PACSIN2: variants seen among roughly 807,000 people sequenced by gnomAD.
PACSIN2 encodes protein kinase C and casein kinase substrate in neurons protein 2.
PACSIN2 carries 25 observed loss-of-function variants against 63.8 expected under a neutral mutation model. The ratio of observed to expected loss-of-function variants is 0.39; its 90% CI spans 0.29 to 0.55. PACSIN2 has a LOEUF of 0.55. Among genes scored for constraint, PACSIN2 ranks in the 20% least tolerant of loss-of-function variants. The pLI is 0.62. For missense variants in PACSIN2, 518 were observed against 646.9 expected (o/e 0.80, Z 2.16); for synonymous variants, 255 against 256.2 (o/e 1.00, Z 0.05).
At position 42,879,087 on chromosome 22, in the gene PACSIN2, T is replaced by G. The variant is rs369699773; in HGVS notation, c.989A>C (p.Asn330Thr). 18 of 1,614,006 alleles carry G rather than the reference T, an allele frequency of 1.1e-5. No individual in the cohort carries two copies. In the African/African-American group the frequency reaches 2.1e-4, roughly 19 times the overall value. Reference sequence around the variant, plus strand: ...CGGCAGAGACTGGTCGCCTGTCTGGTTGATGCCCGTCAGGGTGACGCCGTC... The same window carrying G: ...CGGCAGAGACTGGTCGCCTGTCTGGGTGATGCCCGTCAGGGTGACGCCGTC... The part of the protein sequence containing the change: ...ATDGVTLTGI[N>T]QTGDQSLPSK... The change falls in exon 8 of 11, where the codon AAC (asparagine) becomes ACC (threonine). Residue 330 changes from asparagine (N) to threonine (T), a missense_variant. By Grantham distance (65) the Asn-to-Thr change is moderately conservative. Coordinates refer to ENST00000263246, the MANE Select transcript of PACSIN2 (RefSeq NM_001184970.3).
intron 4 of PACSIN2, 77 bp downstream of exon 4, chr22:42,890,870 A>G (rs5759012): frequency 0.46 from 534,897 of 1,161,304 alleles, 127,712 homozygotes; most frequent in Non-Finnish European, 0.49. Context: ...AGGAAGTCCT[A>G]GGTGCAGGAG....
Position 42,891,116 on chromosome 22 carries a change from T to C in PACSIN2, c.284A>G (p.Glu95Gly). The C allele has an allele frequency of 6.2e-7, 1 of 1,614,106 alleles. No homozygotes were observed. The highest frequency in any genetic ancestry group is 8.5e-7 in the Non-Finnish European group (1 of 1,180,004). Residue 95 changes from glutamate to glycine, a missense_variant, in exon 4 of 11, where the codon GAG becomes GGG. Around this residue, in one of 2 missense-constraint regions of PACSIN2, gnomAD observed 507 missense variants for 612.3 expected, o/e 0.83. Transcript: ENST00000263246. The part of the protein sequence containing the change: ...AFMSEAERVS[E>G]LHLEVKASLM... ...TGAGGCCTTCACCTCGAGGTGCAGC[T>C]CGCTCACCCTCTCTGCCTCGGACAT...
chr22:42,894,601 G>A (rs1602199309), intron 2 of PACSIN2, among the ~76,000 whole-genome samples: 1 of 152,224 alleles, frequency 6.6e-6, no homozygotes, highest in African/African-American at 2.4e-5. Context: ...CTTTGTCAGG[G>A]CTAAGCTGAG....
chr22:42,885,776 C>G (rs1430508383), intron 5 of PACSIN2, among the ~76,000 whole-genome samples: 1 of 152,154 alleles, frequency 6.6e-6, no homozygotes, highest in Non-Finnish European at 1.5e-5. Flanking sequence ...TATCCGGGTC[C>G]TTGCTCTGCT....
At chr22:42,973,390 T>C (rs953813810) in intron 1 of PACSIN2, among the ~76,000 whole-genome samples, 4 of 151,376 alleles carry the variant, frequency 2.6e-5, no homozygotes, top group African/African-American at 9.7e-5. Flanking sequence ...ACTTCCCCAG[T>C]GCTCTGAATT....
chr22:42,956,182 T>C (rs1933909415), intron 1 of PACSIN2, among the ~76,000 whole-genome samples: 1 of 152,226 alleles, frequency 6.6e-6, no homozygotes, highest in Non-Finnish European at 1.5e-5. Flanking sequence ...ATAATCTAAA[T>C]GCCATACTAT....
intron 1 of PACSIN2, among the ~76,000 whole-genome samples, chr22:42,919,584 C>T (rs538685765): frequency 1.3e-5 from 2 of 151,862 alleles, no homozygotes; most frequent in South Asian, 4.2e-4. Context: ...ACCAGCCTGG[C>T]CAACATGGTG....
chr22:42,924,715 C>A (rs958221631), intron 1 of PACSIN2, among the ~76,000 whole-genome samples: 1 of 152,130 alleles, frequency 6.6e-6, no homozygotes, highest in Non-Finnish European at 1.5e-5. Context: ...CTCCCTCCTG[C>A]CCCACAGGCC....
At chr22:42,990,241 G>A (rs1331963555) in intron 1 of PACSIN2, among the ~76,000 whole-genome samples, 5 of 151,916 alleles carry the variant, frequency 3.3e-5, no homozygotes, top group Admixed American at 2.0e-4. Context: ...AATCACAGAC[G>A]GCCACAAACC....
At chr22:42,971,644 G>A (rs964536520) in intron 1 of PACSIN2, among the ~76,000 whole-genome samples, 4 of 151,830 alleles carry the variant, frequency 2.6e-5, no homozygotes, top group Admixed American at 1.3e-4. Flanking sequence ...AGTGAGGAGC[G>A]TCTCTGCCCG....
intron 2 of PACSIN2, among the ~76,000 whole-genome samples, chr22:42,896,555 T>G (rs1043788419): frequency 1.3e-5 from 2 of 152,258 alleles, no homozygotes; most frequent in African/African-American, 4.8e-5. Context: ...TGGGTCATTT[T>G]CAGTTTGGGG....
At chr22:42,894,905 C>T (rs765344549) in intron 2 of PACSIN2, among the ~76,000 whole-genome samples, 9 of 149,438 alleles carry the variant, frequency 6.0e-5, no homozygotes, top group Non-Finnish European at 1.2e-4. Flanking sequence ...TTGCCTGGCC[C>T]TGCACAGAGA....
intron 1 of PACSIN2, among the ~76,000 whole-genome samples, chr22:42,973,606 C>A (rs1921480239): frequency 6.6e-6 from 1 of 152,264 alleles, no homozygotes; most frequent in African/African-American, 2.4e-5. Flanking sequence ...CTCCAGCCAA[C>A]ATGCCTGCCT....
rs1241685787 is a variant in PACSIN2 at position 42,888,806 on chromosome 22, G to C, written c.454-8C>G. The C allele has an allele frequency of 3.7e-6, 6 of 1,613,820 alleles. No individual in the cohort carries two copies. The highest frequency in any genetic ancestry group is 5.1e-6 in the Non-Finnish European group (6 of 1,179,848). On this transcript the variant is annotated splice_polypyrimidine_tract_variant and splice_region_variant and intron_variant, in intron 4 of 10. Transcript: ENST00000263246. The stretch of plus-strand genomic sequence containing the variant: ...TTTCTTTGCTGCTTCTACCTACAGG[G>C]AGAATGAGTTCCTGAATGCCATGTC...
intron 1 of PACSIN2, among the ~76,000 whole-genome samples, chr22:43,010,822 C>G (rs754885065): frequency 2.0e-5 from 3 of 152,200 alleles, no homozygotes; most frequent in Non-Finnish European, 2.9e-5. Flanking sequence ...AACAGATGAA[C>G]ATGCATTTAT....
chr22:42,884,577 G>T lies in PACSIN2; in HGVS notation c.610-16C>A. 1.2e-6 allele frequency: 2 copies of T among 1,609,714 alleles called. No individual in the cohort carries two copies. Among genetic ancestry groups the T allele is most frequent in the Non-Finnish European group, 1.7e-6 (2 of 1,177,010 alleles). ...TCTCTTTGGTCTAAAGGAAAATCCA[G>T]GCACAAGACAGAGGTTCATTTCCAT... is the stretch of plus-strand genomic sequence containing the variant. On this transcript the variant is annotated splice_polypyrimidine_tract_variant and intron_variant, in intron 5 of 10. Coordinates refer to ENST00000263246, the MANE Select transcript of PACSIN2 (RefSeq NM_001184970.3).
At chr22:42,926,080 C>T (rs1036763694) in intron 1 of PACSIN2, among the ~76,000 whole-genome samples, 3 of 152,184 alleles carry the variant, frequency 2.0e-5, no homozygotes, top group Non-Finnish European at 4.4e-5. Context: ...AGCTCAACTA[C>T]CTGGCACAAC....
chr22:42,954,614 A>C (rs1344101289), intron 1 of PACSIN2, among the ~76,000 whole-genome samples: 2 of 152,184 alleles, frequency 1.3e-5, no homozygotes. Context: ...GACTGGTCTC[A>C]ATGACTTTTT....
intron 2 of PACSIN2, among the ~76,000 whole-genome samples, chr22:42,899,818 C>A (rs1930549702): frequency 6.6e-6 from 1 of 152,224 alleles, no homozygotes; most frequent in Non-Finnish European, 1.5e-5. Flanking sequence ...TACGCCGACA[C>A]ACTGACCCAG....
Sources: gnomAD v4.1 joint callset for allele counts (sites outside exome capture counted in the v4.1 genomes callset) on GRCh38, gnomAD v4.1.1 for gene constraint, gnomAD v4.1.1 regional missense constraint, MANE v1.5 for transcripts, NCBI Gene and HGNC (gene_info 2026-07-23, HGNC 2026-07-21) for gene names.